The following GALK2 variants were observed in gnomAD, a reference collection of about 807,000 sequenced individuals.
GALK2 encodes the protein N-acetylgalactosamine kinase.
A neutral mutation model predicts 52.4 loss-of-function variants in GALK2; 36 were observed. The observed-to-expected ratio is 0.69, with a 90% confidence interval of 0.53 to 0.91. GALK2 has a LOEUF of 0.91. Ranked by LOEUF, GALK2 falls within the 40% of genes least tolerant of loss-of-function variation. The pLI is 0.00. For synonymous variants in GALK2, 176 were observed against 199.1 expected (o/e 0.88, Z 0.98); for missense variants, 579 against 559.1 (o/e 1.04, Z -0.36).
intron 8 of GALK2, among the ~76,000 whole-genome samples, chr15:49,302,173 C>G (rs2035171059): frequency 6.6e-6 from 1 of 152,208 alleles, no homozygotes; most frequent in Non-Finnish European, 1.5e-5. Flanking sequence ...CTTTTTAAAT[C>G]TTGGCACACT....
intron 8 of GALK2, among the ~76,000 whole-genome samples, chr15:49,317,632 C>T (rs1001632795): frequency 4.6e-5 from 7 of 152,082 alleles, no homozygotes; most frequent in African/African-American, 1.7e-4. Context: ...CAGCACTATT[C>T]ACAATAGCAA....
intron 3 of GALK2, among the ~76,000 whole-genome samples, chr15:49,350,995 A>G (rs894073003): frequency 6.6e-6 from 1 of 152,204 alleles, no homozygotes; most frequent in African/African-American, 2.4e-5. Context: ...TATATGCTAC[A>G]CAGTTCTTAG....
chr15:49,204,817 G>A (rs1234287367), intron 2 of GALK2, among the ~76,000 whole-genome samples: 3 of 152,056 alleles, frequency 2.0e-5, no homozygotes, highest in Non-Finnish European at 4.4e-5. Flanking sequence ...AGCATACACT[G>A]CACTGTATTT....
At chr15:49,170,604 C>A in intron 1 of GALK2, 1 of 530,008 alleles carries the variant, frequency 1.9e-6, no homozygotes, top group South Asian at 2.8e-5. Context: ...TTCATCCATG[C>A]AGATTCTTCT....
At chr15:49,157,629 A>T (rs2084505548) in intron 1 of GALK2, among the ~76,000 whole-genome samples, 1 of 152,198 alleles carries the variant, frequency 6.6e-6, no homozygotes, top group African/African-American at 2.4e-5. Flanking sequence ...AAGAATAATT[A>T]AAAAACCATG....
intron 3 of GALK2, chr15:49,225,242 T>C: frequency 2.2e-6 from 1 of 455,972 alleles, no homozygotes; most frequent in Non-Finnish European, 4.4e-6. Flanking sequence ...GCAGAGGCTA[T>C]GACCTGCAGA....
intron 1 of GALK2, chr15:49,195,262 G>C (rs1375570604): frequency 3.1e-6 from 1 of 322,802 alleles, no homozygotes; most frequent in Non-Finnish European, 6.1e-6. Flanking sequence ...TAGTAGAGAT[G>C]GTGTTTCACT....
rs889816590 is a variant in GALK2, at chr15:49,331,587, A to C, written c.*3428A>C. 2 of 527,556 alleles carry C rather than the reference A, an allele frequency of 3.8e-6. No homozygotes were observed. The highest frequency in any genetic ancestry group is 6.7e-6 in the Non-Finnish European group (2 of 298,896). 32.7% of individuals were successfully genotyped at this position (527,556 alleles called of 1,614,324 possible). A position where few individuals can be genotyped will look rare whatever the true frequency, so the allele number is the denominator to read the frequency against. On this transcript the variant is annotated 3_prime_UTR_variant, in exon 10 of 10. Transcript: ENST00000560031. Reference sequence around the variant, plus strand: ...TCAGAAGCTGGAAATGGGGAATGTGAACATGAGTTGTCACTAAATATGTAA... The same window carrying C: ...TCAGAAGCTGGAAATGGGGAATGTGCACATGAGTTGTCACTAAATATGTAA...
intron 3 of GALK2, chr15:49,366,422 A>G (rs978121886): frequency 1.1e-6 from 1 of 872,364 alleles, no homozygotes; most frequent in South Asian, 1.3e-5. Flanking sequence ...TTGCACCACA[A>G]CTGCTTTGTT....
At chr15:49,248,786 GTTTT>G (rs527881894) in intron 5 of GALK2, among the ~76,000 whole-genome samples, 1 of 151,796 alleles carries the variant, frequency 6.6e-6, no homozygotes. Context: ...TCACTTCTGG[GTTTT>G]TTTTCCGTTT....
intron 1 of GALK2, among the ~76,000 whole-genome samples, chr15:49,184,042 C>A (rs1308274600): frequency 1.3e-5 from 2 of 152,108 alleles, no homozygotes; most frequent in Non-Finnish European, 2.9e-5. Context: ...TCTGGATGAT[C>A]TGTCCAATGC....
At chr15:49,296,820 CGA>C (rs1216436115) in intron 8 of GALK2, among the ~76,000 whole-genome samples, 10 of 152,096 alleles carry the variant, frequency 6.6e-5, no homozygotes, top group Admixed American at 6.6e-5. Context: ...AGGCTGGTCT[CGA>C]ACTCCTGACC....
At chr15:49,262,239 T>G (rs2092147681) in intron 5 of GALK2, among the ~76,000 whole-genome samples, 1 of 152,208 alleles carries the variant, frequency 6.6e-6, no homozygotes, top group Admixed American at 6.5e-5. Flanking sequence ...ATTGCCACAA[T>G]TTCAGAGCCT....
At chr15:49,208,988 G>A (rs756883121) in intron 2 of GALK2, among the ~76,000 whole-genome samples, 1 of 151,956 alleles carries the variant, frequency 6.6e-6, no homozygotes, top group African/African-American at 2.4e-5. Context: ...TGCTCGCTTT[G>A]GTGTCCATTT....
At chr15:49,220,460 C>A (rs553701159) in intron 3 of GALK2, among the ~76,000 whole-genome samples, 63 of 151,986 alleles carry the variant, frequency 4.1e-4, no homozygotes, top group African/African-American at 1.5e-3. Context: ...TGTATATATA[C>A]ATTTTCTTTA....
intron 1 of GALK2, among the ~76,000 whole-genome samples, chr15:49,185,345 T>A (rs1296652825): frequency 6.6e-6 from 1 of 152,232 alleles, no homozygotes; most frequent in Non-Finnish European, 1.5e-5. Flanking sequence ...TTACAGGGTG[T>A]TTATGTGCCA....
intron 9 of GALK2, among the ~76,000 whole-genome samples, chr15:49,324,400 CAAA>C (rs56869664): frequency 1.1e-5 from 1 of 93,438 alleles, no homozygotes; most frequent in Non-Finnish European, 2.0e-5. Context: ...CATACCCTGT[CAAA>C]AAAAAAAAAA....
At chr15:49,367,516 A>G in exon 4 of GALK2, 1 of 1,606,904 alleles carries the variant, frequency 6.2e-7, no homozygotes, top group Non-Finnish European at 8.5e-7. Flanking sequence ...CAGCCAGCTC[A>G]TGCATCTTAA....
chr15:49,219,680 A>G (rs931774179), intron 3 of GALK2, among the ~76,000 whole-genome samples: 3 of 152,148 alleles, frequency 2.0e-5, no homozygotes, highest in South Asian at 2.1e-4. Context: ...GTATTGTGGC[A>G]TGCACCTGTA....
Sources: allele counts gnomAD v4.1 joint callset (sites outside exome capture counted in the v4.1 genomes callset), GRCh38; gene constraint gnomAD v4.1.1; transcripts MANE v1.5; gene names NCBI Gene and HGNC (gene_info 2026-07-23, HGNC 2026-07-21).